Variants in PRDM1 observed in about 807,000 individuals in gnomAD.
PRDM1 encodes PR/SET domain 1, also known as PR domain zinc finger protein 1.
PRDM1 carries 13 observed loss-of-function variants against 62.8 expected under a neutral mutation model. The ratio of observed to expected loss-of-function variants is 0.21; its 90% CI spans 0.13 to 0.33. PRDM1 has a LOEUF of 0.33. Ranked by LOEUF, PRDM1 falls within the 10% of genes least tolerant of loss-of-function variation. The pLI, the probability that PRDM1 is intolerant of heterozygous loss-of-function variation, is 1.00. For synonymous variants in PRDM1, 396 were observed against 417.6 expected, an observed-to-expected ratio of 0.95 and a Z score of 0.63; for missense variants, 895 against 1,058.8, an observed-to-expected ratio of 0.85 and a Z score of 2.15.
intron 1 of PRDM1, among the ~76,000 whole-genome samples, chr6:106,079,180 G>T (rs1050053354): frequency 4.6e-5 from 7 of 151,964 alleles, no homozygotes; most frequent in African/African-American, 1.7e-4. Flanking sequence ...GGCCAGGCTG[G>T]TCTCAAACTC....
intron 1 of PRDM1, among the ~76,000 whole-genome samples, chr6:106,042,976 G>A (rs563920077): frequency 3.9e-5 from 6 of 152,260 alleles, no homozygotes; most frequent in Admixed American, 2.0e-4. Context: ...TCAGCCTCCC[G>A]AGTAGCTGGG....
At chr6:106,035,181 A>C (rs542623962) in intron 1 of PRDM1, among the ~76,000 whole-genome samples, 43 of 152,292 alleles carry the variant, frequency 2.8e-4, no homozygotes, top group Admixed American at 7.8e-4. Flanking sequence ...TTCTCCCTTC[A>C]GTCTAAGTTC....
chr6:106,079,108 C>T (rs1319256462), intron 1 of PRDM1, among the ~76,000 whole-genome samples: 1 of 151,764 alleles, frequency 6.6e-6, no homozygotes, highest in Non-Finnish European at 1.5e-5. Flanking sequence ...CTACAGGTGC[C>T]CGCCACCACG....
intron 1 of PRDM1, chr6:106,072,058 T>C (rs962378862): frequency 1.3e-5 from 2 of 152,226 alleles, no homozygotes; most frequent in African/African-American, 4.8e-5. Flanking sequence ...TGAAAGATTT[T>C]ATGGGGCATA....
intron 1 of PRDM1, among the ~76,000 whole-genome samples, chr6:106,052,911 GA>G: frequency 6.6e-6 from 1 of 151,944 alleles, no homozygotes; most frequent in East Asian, 1.9e-4. Context: ...AGGTTGCAGT[GA>G]GCTGAGATCA....
At chr6:106,099,168 A>T (rs1774195073) in intron 3 of PRDM1, 132 bp from the exon 4 acceptor site, 2 of 1,603,978 alleles carry the variant, frequency 1.2e-6, no homozygotes, top group Admixed American at 1.7e-5. Context: ...GGCTAAACTG[A>T]TTGGATTCTT....
At chr6:105,996,233 G>C (rs1196447598) in intron 1 of PRDM1, among the ~76,000 whole-genome samples, 1 of 152,048 alleles carries the variant, frequency 6.6e-6, no homozygotes, top group East Asian at 1.9e-4. Flanking sequence ...ATCTGAATCG[G>C]TGTTGTCAAA....
At position 106,104,824 on chromosome 6, in the gene PRDM1, G is replaced by T. The variant is rs1329000646; in HGVS notation, c.665-1G>T. On this transcript the variant is annotated splice_acceptor_variant, in intron 4 of 6. Coordinates refer to ENST00000369096, the MANE Select transcript of PRDM1 (RefSeq NM_001198.4). LOFTEE classifies it high-confidence loss of function. ...TAATCGCCCCTTTTTCTTTATTTCA[G>T]CACAAACACAGAGCAGTCTAAAGCA... 1 of 1,606,738 alleles carries T rather than the reference G, an allele frequency of 6.2e-7. No homozygotes were observed. The highest frequency in any genetic ancestry group is 1.1e-5 in the South Asian group (1 of 90,354).
rs1485886920 is a variant in PRDM1, at chr6:106,108,354, AGCG to A, written c.*871_*873del. 2 of 233,274 alleles carry A rather than the reference AGCG, an allele frequency of 8.6e-6. No individual in the cohort carries two copies. The highest frequency in any genetic ancestry group is 4.4e-5 in the African/African-American group (2 of 45,190). The allele number at this position is 233,274 out of a possible 1,614,324, so 14.5% of individuals were successfully genotyped here. On this transcript the variant is annotated 3_prime_UTR_variant, in exon 7 of 7. Coordinates refer to ENST00000369096, the MANE Select transcript of PRDM1 (RefSeq NM_001198.4). ...CCCACCGAGTCCTGTGGCCATTCAG[AGCG>A]GCCACATGACTTTTGCATCCATTGT...
At chr6:106,053,068 A>T (rs1562153987) in intron 1 of PRDM1, among the ~76,000 whole-genome samples, 1 of 152,086 alleles carries the variant, frequency 6.6e-6, no homozygotes, top group Non-Finnish European at 1.5e-5. Flanking sequence ...TAATTTTTGG[A>T]GTAGAATTTT....
chr6:106,086,709 A>T (rs772353717), intron 1 of PRDM1, 114 bp downstream of exon 1: 12 of 951,066 alleles, frequency 1.3e-5, no homozygotes, highest in Non-Finnish European at 1.9e-5. Context: ...CAGTAGAAAC[A>T]TGCTTCTGCT....
intron 1 of PRDM1, among the ~76,000 whole-genome samples, chr6:106,016,100 C>T (rs945795672): frequency 7.9e-5 from 12 of 152,290 alleles, no homozygotes; most frequent in Non-Finnish European, 1.3e-4. Context: ...GCTTATTTCA[C>T]TTAGCATAGC....
At position 106,088,388 on chromosome 6, in the gene PRDM1, T is replaced by A. The variant is rs147363823; in HGVS notation, c.230T>A (p.Val77Asp). ...WDSGADGGTSVQAEASLPRNL... is the reference protein window; with the variant it reads ...WDSGADGGTSDQAEASLPRNL... ...TCTGGTGCTGATGGCGGTACTTCGG[T>A]TCAGGCGGAGGCATCCTTACCAAGG... Residue 77 changes from valine (V) to aspartate (D), a missense_variant, in exon 2 of 7, where the codon GTT becomes GAT. Around this residue, in one of 4 missense-constraint regions of PRDM1, gnomAD observed 213 missense variants for 283.9 expected, o/e 0.75. Transcript: ENST00000369096. 3 of 1,614,056 alleles carry A rather than the reference T, an allele frequency of 1.9e-6. No individual in the cohort carries two copies. The African/African-American group carries it at 4.0e-5, about 22-fold the overall frequency.
intron 2 of PRDM1, among the ~76,000 whole-genome samples, chr6:106,089,575 G>A (rs769009462): frequency 1.7e-4 from 26 of 152,166 alleles, no homozygotes; most frequent in Non-Finnish European, 3.1e-4. Context: ...ATAGAACAAC[G>A]ATGCTCAGTC....
At chr6:106,029,836 C>G (rs946721620) in intron 1 of PRDM1, among the ~76,000 whole-genome samples, 4 of 152,034 alleles carry the variant, frequency 2.6e-5, no homozygotes, top group African/African-American at 4.8e-5. Context: ...CCAGGCTGGT[C>G]TCGAACCCCT....
chr6:106,086,631 A>G (rs1773815293), intron 1 of PRDM1, 36 bp downstream of exon 1: 2 of 1,513,794 alleles, frequency 1.3e-6, no homozygotes, highest in East Asian at 2.4e-5. Context: ...TAATTCTGAA[A>G]TTGATCTGAA....
chr6:106,079,887 AT>A (rs1773665617), intron 1 of PRDM1, among the ~76,000 whole-genome samples: 1 of 152,266 alleles, frequency 6.6e-6, no homozygotes, highest in Non-Finnish European at 1.5e-5. Flanking sequence ...AGGACAGGTT[AT>A]TAACCACTCT....
intron 1 of PRDM1, among the ~76,000 whole-genome samples, chr6:106,027,659 C>CA (rs1354488665): frequency 6.6e-6 from 1 of 152,006 alleles, no homozygotes; most frequent in African/African-American, 2.4e-5. Flanking sequence ...GAGAGTGGAT[C>CA]AATGTAGGGT....
chr6:106,036,969 C>G (rs1454390647), intron 1 of PRDM1, among the ~76,000 whole-genome samples: 1 of 152,182 alleles, frequency 6.6e-6, no homozygotes, highest in Non-Finnish European at 1.5e-5. Flanking sequence ...TATGTACCAC[C>G]ATTCCTGGCT....
Sources: gnomAD v4.1 joint callset for allele counts (sites outside exome capture counted in the v4.1 genomes callset) on GRCh38, gnomAD v4.1.1 for gene constraint, gnomAD v4.1.1 regional missense constraint, MANE v1.5 for transcripts, NCBI Gene and HGNC (gene_info 2026-07-23, HGNC 2026-07-21) for gene names.